Variants in CRADD observed in about 807,000 individuals in gnomAD.
CRADD encodes the protein CARD and death domain containing adaptor protein.
CRADD carries 9 observed loss-of-function variants against 15.5 expected under a neutral mutation model. That is an observed-to-expected ratio of 0.58 (90% CI 0.35 to 1.01). CRADD has a LOEUF of 1.01. Among genes scored for constraint, CRADD ranks in the 50% least tolerant of loss-of-function variants. The pLI is 0.02. For synonymous variants in CRADD, 118 were observed against 107.6 expected (o/e 1.10, Z -0.60); for missense variants, 227 against 250.3 (o/e 0.91, Z 0.63).
intron 2 of CRADD, among the ~76,000 whole-genome samples, chr12:93,707,320 C>T (rs1003289000): frequency 1.3e-5 from 2 of 152,038 alleles, no homozygotes; most frequent in African/African-American, 4.8e-5. Flanking sequence ...ACCATTTTAC[C>T]TTGGTCATGA....
intron 2 of CRADD, among the ~76,000 whole-genome samples, chr12:93,802,440 A>G (rs1386592003): frequency 1.3e-5 from 2 of 152,216 alleles, no homozygotes; most frequent in African/African-American, 4.8e-5. Flanking sequence ...TCATCATATC[A>G]GTGTGAAAAC....
intron 2 of CRADD, among the ~76,000 whole-genome samples, chr12:93,841,077 G>T (rs538574158): frequency 6.6e-6 from 1 of 151,794 alleles, no homozygotes; most frequent in East Asian, 1.9e-4. Context: ...ATTTTTTTCT[G>T]CATCTATTAA....
chr12:93,720,850 T>C (rs1370221806), intron 2 of CRADD, among the ~76,000 whole-genome samples: 1 of 152,212 alleles, frequency 6.6e-6, no homozygotes, highest in Non-Finnish European at 1.5e-5. Context: ...GTTTTGTTTT[T>C]TGATCTACCT....
chr12:93,876,623 A>C (rs1043116902), intron 2 of CRADD, among the ~76,000 whole-genome samples: 1 of 151,978 alleles, frequency 6.6e-6, no homozygotes, highest in Non-Finnish European at 1.5e-5. Flanking sequence ...TGCATTCTTT[A>C]GTATACCAAT....
At chr12:93,885,929 C>T (rs989781561) in intron 2 of CRADD, among the ~76,000 whole-genome samples, 3 of 152,028 alleles carry the variant, frequency 2.0e-5, no homozygotes, top group Non-Finnish European at 4.4e-5. Flanking sequence ...ATCCCAGCTA[C>T]TTGGGAGGCT....
At chr12:93,844,497 G>A (rs377262608) in intron 2 of CRADD, among the ~76,000 whole-genome samples, 4 of 151,986 alleles carry the variant, frequency 2.6e-5, no homozygotes, top group Non-Finnish European at 4.4e-5. Context: ...CCTTTGCTCC[G>A]GCCTGTGTCC....
chr12:93,684,768 G>A (rs11107149), intron 2 of CRADD, among the ~76,000 whole-genome samples: 1,718 of 152,292 alleles, frequency 0.011, 23 homozygotes, highest in African/African-American at 0.039. Context: ...AGAGAACTGA[G>A]TTTGGCTGCA....
At chr12:93,693,400 A>G (rs1304831119) in intron 2 of CRADD, among the ~76,000 whole-genome samples, 1 of 152,112 alleles carries the variant, frequency 6.6e-6, no homozygotes, top group Non-Finnish European at 1.5e-5. Flanking sequence ...GGGTAGAAAA[A>G]TATTTTCCAT....
At chr12:93,843,840 C>G (rs1379598424) in intron 2 of CRADD, among the ~76,000 whole-genome samples, 2 of 152,076 alleles carry the variant, frequency 1.3e-5, no homozygotes, top group Non-Finnish European at 2.9e-5. Context: ...CCTGCCACAG[C>G]CTCCCAAGTA....
chr12:93,683,920 A>G (rs937307055), intron 2 of CRADD, among the ~76,000 whole-genome samples: 1 of 152,182 alleles, frequency 6.6e-6, no homozygotes, highest in African/African-American at 2.4e-5. Context: ...CAGTCTATCC[A>G]TGTGCTTCCA....
intron 2 of CRADD, among the ~76,000 whole-genome samples, chr12:93,762,744 C>T (rs1294858163): frequency 6.6e-6 from 1 of 152,146 alleles, no homozygotes; most frequent in Non-Finnish European, 1.5e-5. Flanking sequence ...CAAACCCTTC[C>T]AGATACAGTA....
chr12:93,874,741 GTTATTGAT>G (rs1958446954), intron 2 of CRADD, among the ~76,000 whole-genome samples: 1 of 151,922 alleles, frequency 6.6e-6, no homozygotes, highest in South Asian at 2.1e-4. Flanking sequence ...AATTCCTCTT[GTTATTGAT>G]TTCTAGTTTT....
At chr12:93,852,579 C>A (rs1055645877), downstream of CRADD, among the ~76,000 whole-genome samples, 6 of 152,218 alleles carry the variant, frequency 3.9e-5, no homozygotes, top group African/African-American at 1.4e-4. Context: ...AAGAACAGAG[C>A]AGCTGAATCC....
chr12:93,705,449 G>A (rs770369566), intron 2 of CRADD, among the ~76,000 whole-genome samples: 1 of 152,272 alleles, frequency 6.6e-6, no homozygotes, highest in Admixed American at 6.5e-5. Flanking sequence ...ACAGTCTCCT[G>A]TCTGCCTTGA....
At chr12:93,825,601 G>A (rs966400039) in intron 2 of CRADD, among the ~76,000 whole-genome samples, 4 of 152,196 alleles carry the variant, frequency 2.6e-5, no homozygotes, top group Non-Finnish European at 4.4e-5. Context: ...GTCATACAGC[G>A]GAGAGGGAAA....
intron 2 of CRADD, among the ~76,000 whole-genome samples, chr12:93,742,459 C>G (rs1314028525): frequency 6.6e-6 from 1 of 150,896 alleles, no homozygotes; most frequent in Non-Finnish European, 1.5e-5. Context: ...CTCTGCGGGC[C>G]CCGGCTGCCC....
chr12:93,800,407 T>C (rs73363175), intron 2 of CRADD, among the ~76,000 whole-genome samples: 101 of 152,262 alleles, frequency 6.6e-4, no homozygotes, highest in African/African-American at 2.0e-3. Flanking sequence ...GCAAGTGATA[T>C]GGTTTGATTC....
intron 2 of CRADD, among the ~76,000 whole-genome samples, chr12:93,696,978 G>A (rs1365086338): frequency 6.6e-6 from 1 of 152,150 alleles, no homozygotes; most frequent in African/African-American, 2.4e-5. Flanking sequence ...GGTAGTGGGG[G>A]CCTGTAGTCC....
intron 2 of CRADD, among the ~76,000 whole-genome samples, chr12:93,763,001 G>C (rs1234890968): frequency 6.6e-6 from 1 of 152,166 alleles, no homozygotes; most frequent in East Asian, 1.9e-4. Flanking sequence ...TAAAACGTAA[G>C]CAACTCTGAA....
Sources: allele counts gnomAD v4.1 joint callset (sites outside exome capture counted in the v4.1 genomes callset), GRCh38; gene constraint gnomAD v4.1.1; transcripts MANE v1.5; gene names NCBI Gene and HGNC (gene_info 2026-07-23, HGNC 2026-07-21).